Variants in G2E3 observed in about 807,000 individuals in gnomAD.
The protein encoded by G2E3 is G2/M-phase specific E3 ubiquitin protein ligase.
A neutral mutation model predicts 92.8 loss-of-function variants in G2E3; 35 were observed. The observed-to-expected ratio is 0.38, with a 90% CI of 0.29 to 0.50. G2E3 has a LOEUF of 0.50. Among genes scored for constraint, G2E3 ranks in the 20% least tolerant of loss-of-function variants. G2E3 has a pLI of 0.94. For synonymous variants in G2E3, 242 were observed against 272.4 expected (o/e 0.89, Z 1.10); for missense variants, 554 against 823.8 (o/e 0.67, Z 4.01).
chr14:30,604,581 A>G (rs910406641), intron 10 of G2E3, among the ~76,000 whole-genome samples: 1 of 150,012 alleles, frequency 6.7e-6, no homozygotes, highest in African/African-American at 2.5e-5. Flanking sequence ...GTTCTGGGGT[A>G]ATGCTGCTGC....
At position 30,581,103 on chromosome 14, in the gene G2E3, C is replaced by A; in HGVS notation, c.24C>A (p.Asp8Glu). 1 of 1,469,312 alleles carries A rather than the reference C, an allele frequency of 6.8e-7. No individual in the cohort carries two copies. The highest frequency in any genetic ancestry group is 9.5e-7 in the Non-Finnish European group (1 of 1,050,272). 91.0% of individuals were successfully genotyped at this position (1,469,312 alleles called of 1,614,324 possible). A position where few individuals can be genotyped will look rare whatever the true frequency, so the allele number is the denominator to read the frequency against. The change falls in exon 2 of 15, where the codon GAC becomes GAA. Residue 8 changes from aspartate to glutamate, a missense_variant. Physicochemically the swap from Asp to Glu is conservative, Grantham distance 45. Around this residue, in one of 3 missense-constraint regions of G2E3, gnomAD observed 137 missense variants for 201.3 expected, o/e 0.68. Coordinates refer to ENST00000206595, the MANE Select transcript of G2E3 (RefSeq NM_017769.5). MNESKPGDSQNLACVFCR... is the reference protein window; with the variant it reads MNESKPGESQNLACVFCR... ...AAATGAATGAAAGTAAACCTGGTGA[C>A]TCACAGAACCTTGGTAAGTAACTGT...
At chr14:30,591,382 C>G (rs534995070) in intron 4 of G2E3, among the ~76,000 whole-genome samples, 2 of 152,274 alleles carry the variant, frequency 1.3e-5, no homozygotes, top group East Asian at 3.9e-4. Flanking sequence ...TTATGTACCA[C>G]TGTTACATTT....
Position 30,616,266 on chromosome 14 carries a change from A to T in G2E3, c.1865-12A>T. ...TTGTTTCTTTTACTCTTTTATTGGT[A>T]AATTTTTTCAGATGGTAAATCTACA... On this transcript the variant is annotated splice_polypyrimidine_tract_variant and intron_variant, in intron 14 of 14. Coordinates refer to ENST00000206595, the MANE Select transcript of G2E3 (RefSeq NM_017769.5). 6.3e-7 allele frequency: 1 copy of T among 1,574,922 alleles called. No homozygotes were observed. The highest frequency in any genetic ancestry group is 8.7e-7 in the Non-Finnish European group (1 of 1,147,104).
chr14:30,567,085 G>A (rs1299638487), intron 1 of G2E3, among the ~76,000 whole-genome samples: 2 of 152,124 alleles, frequency 1.3e-5, no homozygotes, highest in Admixed American at 1.3e-4. Context: ...CTGGTAGTTT[G>A]TTAAGGATAT....
chr14:30,565,761 A>T (rs1009928640), intron 1 of G2E3, among the ~76,000 whole-genome samples: 2 of 139,368 alleles, frequency 1.4e-5, no homozygotes, highest in Non-Finnish European at 1.5e-5. Context: ...TCCTGGGTTC[A>T]TGCCATTCTC....
intron 12 of G2E3, among the ~76,000 whole-genome samples, chr14:30,608,682 A>G (rs1000556574): frequency 2.6e-5 from 4 of 152,372 alleles, no homozygotes; most frequent in Middle Eastern, 3.4e-3. Flanking sequence ...ATAATGCCAT[A>G]TAAGTGTCAT....
chr14:30,585,660 TA>T (rs1880675159), intron 2 of G2E3, among the ~76,000 whole-genome samples: 1 of 151,888 alleles, frequency 6.6e-6, no homozygotes, highest in African/African-American at 2.4e-5. Flanking sequence ...TTTTTTTTTT[TA>T]CTCCCTCTAT....
chr14:30,586,629 A>G (rs1362280003), intron 2 of G2E3, 89 bp from the exon 3 acceptor site: 7 of 509,158 alleles, frequency 1.4e-5, no homozygotes, highest in Non-Finnish European at 2.1e-5. Context: ...AAAGAATTTA[A>G]CACAGAAATT....
chr14:30,561,928 G>A (rs1196771032), intron 1 of G2E3, among the ~76,000 whole-genome samples: 1 of 151,694 alleles, frequency 6.6e-6, no homozygotes, highest in Non-Finnish European at 1.5e-5. Context: ...TTTAGTGATA[G>A]CATATGGTTT....
At chr14:30,569,306 C>T (rs928442966) in intron 1 of G2E3, among the ~76,000 whole-genome samples, 3 of 152,248 alleles carry the variant, frequency 2.0e-5, no homozygotes, top group South Asian at 4.1e-4. Flanking sequence ...TTCTCTCCAT[C>T]GAATTACTTC....
At chr14:30,611,247 G>T (rs1882074357) in intron 12 of G2E3, 1 of 152,220 alleles carries the variant, frequency 6.6e-6, no homozygotes. Flanking sequence ...TCAGGGTTGA[G>T]GGTTTGCAGG....
rs1428102979 is a variant in G2E3, at chr14:30,619,645, A to G, written c.*3111A>G. The G allele has an allele frequency of 3.3e-5, 5 of 152,164 alleles. No individual in the cohort carries two copies. The highest frequency in any genetic ancestry group is 4.8e-5 in the African/African-American group (2 of 41,454). The allele number at this position is 152,164 out of a possible 1,614,324, so 9.4% of individuals were successfully genotyped here. On this transcript the variant is annotated 3_prime_UTR_variant, in exon 15 of 15. Coordinates refer to ENST00000206595, the MANE Select transcript of G2E3 (RefSeq NM_017769.5). ...TTGTCTTGAAGAGACTCAGTTTTCA[A>G]GTTCTGATTTTGACCATTATCTCTT...
chr14:30,590,863 G>T, intron 4 of G2E3: 1 of 357,682 alleles, frequency 2.8e-6, no homozygotes, highest in Non-Finnish European at 5.6e-6. Flanking sequence ...ACTACAGATT[G>T]AATATCCCTT....
intron 11 of G2E3, among the ~76,000 whole-genome samples, chr14:30,607,189 A>G (rs949941645): frequency 6.6e-6 from 1 of 152,036 alleles, no homozygotes; most frequent in African/African-American, 2.4e-5. Flanking sequence ...AAAGTTTACA[A>G]TATAATAAGT....
At chr14:30,599,741 TTTTGG>T (rs1205057566) in intron 8 of G2E3, among the ~76,000 whole-genome samples, 1 of 152,008 alleles carries the variant, frequency 6.6e-6, no homozygotes, top group Non-Finnish European at 1.5e-5. Context: ...AATTATAACA[TTTTGG>T]AAATAAAAAT....
intron 4 of G2E3, chr14:30,590,874 A>G (rs1291795228): frequency 6.3e-6 from 2 of 319,484 alleles, no homozygotes; most frequent in South Asian, 2.6e-5. Context: ...AATATCCCTT[A>G]TCCAAAATGC....
At chr14:30,572,635 T>C (rs1879833898) in intron 1 of G2E3, among the ~76,000 whole-genome samples, 1 of 152,336 alleles carries the variant, frequency 6.6e-6, no homozygotes, top group African/African-American at 2.4e-5. Flanking sequence ...TCACCCCTTA[T>C]TGTATTAACA....
chr14:30,586,964 G>T, intron 3 of G2E3, 149 bp downstream of exon 3: 1 of 401,586 alleles, frequency 2.5e-6, no homozygotes, highest in South Asian at 1.0e-4. Flanking sequence ...TTTGTTTTTT[G>T]ATATTGAATT....
intron 12 of G2E3, 85 bp downstream of exon 12, chr14:30,608,154 G>T: frequency 1.3e-6 from 1 of 751,186 alleles, no homozygotes; most frequent in South Asian, 2.4e-5. Context: ...TAAAATAATA[G>T]TATTATCTAT....
Sources: allele counts gnomAD v4.1 joint callset (sites outside exome capture counted in the v4.1 genomes callset), GRCh38; gene constraint gnomAD v4.1.1; regional missense constraint gnomAD v4.1.1; transcripts MANE v1.5; gene names NCBI Gene and HGNC (gene_info 2026-07-23, HGNC 2026-07-21).